Variants in MORF4L1 observed in about 807,000 individuals in gnomAD.
The protein encoded by MORF4L1 is mortality factor 4 like 1.
In MORF4L1, 4 loss-of-function variants were observed where a neutral mutation model predicts 52.9. The ratio of observed to expected loss-of-function variants is 0.08; its 90% CI spans 0.04 to 0.17. MORF4L1 has a LOEUF of 0.17. Among genes scored for constraint, MORF4L1 ranks in the 10% least tolerant of loss-of-function variants. The pLI is 1.00. For missense variants in MORF4L1, 214 were observed against 390.4 expected, an observed-to-expected ratio of 0.55 and a Z score of 3.81; for synonymous variants, 123 against 134.8, an observed-to-expected ratio of 0.91 and a Z score of 0.61.
At chr15:78,894,378 G>T in intron 10 of MORF4L1, 148 bp downstream of exon 10, 1 of 575,978 alleles carries the variant, frequency 1.7e-6, no homozygotes, top group East Asian at 3.3e-5. Flanking sequence ...AATCTCTTTA[G>T]GAGCAAGAGT....
Position 78,887,046 on chromosome 15 carries a change from A to T in MORF4L1, c.243-223A>T, listed in dbSNP as rs576890051. 2.6e-5 allele frequency among the ~76,000 whole-genome samples: 4 copies of T among 152,088 alleles called. No individual in the cohort carries two copies. The East Asian group carries it at 5.8e-4, about 22-fold the overall frequency. ...CAAAACAAATGGAATTTTCAATGCT[A>T]TGAGAACAGTCTATTACAGTCACTT... On this transcript the variant is annotated intron_variant, in intron 4 of 11. Transcript: ENST00000426013.
chr15:78,890,414 A>G (rs1163542311), intron 5 of MORF4L1, among the ~76,000 whole-genome samples: 1 of 151,968 alleles, frequency 6.6e-6, no homozygotes, highest in African/African-American at 2.4e-5. Flanking sequence ...ATAATGTAGT[A>G]TATACTATAA....
At chr15:78,876,440 A>G in intron 1 of MORF4L1, 1 of 406,332 alleles carries the variant, frequency 2.5e-6, no homozygotes, top group South Asian at 1.7e-5. Context: ...TTTGAGACGG[A>G]GCATTTGCTG....
chr15:78,881,857 T>A (rs2056608967), intron 3 of MORF4L1, among the ~76,000 whole-genome samples: 2 of 152,224 alleles, frequency 1.3e-5, no homozygotes, highest in Admixed American at 1.3e-4. Flanking sequence ...CCTGGTTTAC[T>A]ATGGGATCAG....
chr15:78,873,306 C>T lies in MORF4L1; in HGVS notation c.40+249C>T, dbSNP rs2056405375. The T allele has an allele frequency of 7.3e-6, 9 of 1,235,342 alleles. No homozygotes were observed. The South Asian group carries it at 9.6e-5, about 13-fold the overall frequency. The allele number at this position is 1,235,342 out of a possible 1,614,324, so 76.5% of individuals were successfully genotyped here. On this transcript the variant is annotated intron_variant, in intron 1 of 11. Coordinates refer to ENST00000426013, the MANE Select transcript of MORF4L1 (RefSeq NM_006791.4). ...AGAGAGCGTTTGGCGCGTGGCACAC[C>T]CTCGTCAAGTGTTTGTTATTGTTCT...
chr15:78,873,268 G>A (rs76770078), intron 1 of MORF4L1: 78,103 of 1,466,898 alleles, frequency 0.053, 2,295 homozygotes, highest in Middle Eastern at 0.097. Context: ...CTGCGCAGGC[G>A]TTAGAGTGGG....
At chr15:78,884,926 C>T in intron 3 of MORF4L1, 1 of 1,435,246 alleles carries the variant, frequency 7.0e-7, no homozygotes, top group East Asian at 2.4e-5. Context: ...AATTCTGCAC[C>T]TGGTCACTGA....
intron 1 of MORF4L1, chr15:78,873,997 A>G (rs1426869042): frequency 1.3e-5 from 2 of 152,224 alleles, no homozygotes; most frequent in Admixed American, 6.5e-5. Flanking sequence ...CAATGACTTG[A>G]AAGTTGAATT....
chr15:78,879,303 C>T (rs565308119), intron 2 of MORF4L1, among the ~76,000 whole-genome samples: 64 of 152,058 alleles, frequency 4.2e-4, no homozygotes, highest in African/African-American at 1.4e-3. Flanking sequence ...CTCACTGTGA[C>T]GTCCCCCTCC....
In MORF4L1 at chr15:78,873,190, G is replaced by A. The variant is rs2056401973; in HGVS notation, c.40+133G>A. On this transcript the variant is annotated intron_variant, in intron 1 of 11. Transcript: ENST00000426013. The stretch of plus-strand genomic sequence containing the variant: ...AAGGCGGCGGTCAGTGCTTTGTGCG[G>A]GGAAAGCGCATTGCGGATGGCAATT... 2.6e-6 allele frequency: 4 copies of A among 1,519,792 alleles called. No individual in the cohort carries two copies. The South Asian group carries it at 3.8e-5, about 14-fold the overall frequency. 94.1% of individuals were successfully genotyped at this position (1,519,792 alleles called of 1,614,324 possible). A position where few individuals can be genotyped will look rare whatever the true frequency, so the allele number is the denominator to read the frequency against.
rs56795204 is a variant in MORF4L1 at position 78,895,578 on chromosome 15, A to G, written c.887+674A>G. Among the ~76,000 whole-genome samples the G allele has an allele frequency of 4.0e-3, 602 of 152,348 alleles. 4 individuals carry two copies. The highest frequency in any genetic ancestry group is 0.014 in the African/African-American group (579 of 41,578). ...CTTATTAAAAGGGTGAGGTCACTCT[A>G]AACATACTGATAAAGATGTCCATGT... On this transcript the variant is annotated intron_variant, in intron 11 of 11. Coordinates refer to ENST00000426013, the MANE Select transcript of MORF4L1 (RefSeq NM_006791.4).
chr15:78,884,997 A>G, intron 3 of MORF4L1: 1 of 1,614,022 alleles, frequency 6.2e-7, no homozygotes, highest in Non-Finnish European at 8.5e-7. Flanking sequence ...GCTCTGAAAA[A>G]TCTTTGAAGA....
chr15:78,881,502 TG>T (rs2056603648), intron 3 of MORF4L1, among the ~76,000 whole-genome samples: 3 of 104,284 alleles, frequency 2.9e-5, no homozygotes, highest in Middle Eastern at 4.4e-3. Flanking sequence ...CCTTTTTGTG[TG>T]TGTGTGTGTG....
At chr15:78,873,089 A>C (rs2056398375) in intron 1 of MORF4L1, 32 bp downstream of exon 1, 1 of 1,549,510 alleles carries the variant, frequency 6.5e-7, no homozygotes. Flanking sequence ...AAAGGCACCT[A>C]ACGGCGCAGG....
At chr15:78,884,208 A>AAAACAC (rs1555439760) in intron 3 of MORF4L1, among the ~76,000 whole-genome samples, 1 of 146,596 alleles carries the variant, frequency 6.8e-6, no homozygotes, top group Non-Finnish European at 1.5e-5. Context: ...CATCTCAAAA[A>AAAACAC]AAAAAACAAA....
At chr15:78,885,514 G>T (rs1362134260) in intron 3 of MORF4L1, among the ~76,000 whole-genome samples, 1 of 152,190 alleles carries the variant, frequency 6.6e-6, no homozygotes, top group African/African-American at 2.4e-5. Context: ...ACTGAATGAA[G>T]GTGGAGAATG....
intron 1 of MORF4L1, among the ~76,000 whole-genome samples, chr15:78,876,321 T>C (rs2056490421): frequency 1.3e-5 from 2 of 152,136 alleles, no homozygotes; most frequent in Non-Finnish European, 2.9e-5. Flanking sequence ...TTTTATTTGA[T>C]AATGGCGTGC....
chr15:78,873,566 A>G lies in MORF4L1; in HGVS notation c.40+509A>G, dbSNP rs571702622. On this transcript the variant is annotated intron_variant, in intron 1 of 11. Coordinates refer to ENST00000426013, the MANE Select transcript of MORF4L1 (RefSeq NM_006791.4). Reference sequence around the variant, plus strand: ...TGCGGATGGGGGTGGGTTTGGCGCCACGGGGCGGGAGAAGTGCGTTGTAAA... The same window carrying G: ...TGCGGATGGGGGTGGGTTTGGCGCCGCGGGGCGGGAGAAGTGCGTTGTAAA... 6.4e-4 allele frequency among the ~76,000 whole-genome samples: 98 copies of G among 152,196 alleles called. 1 individual carries two copies. Among genetic ancestry groups the G allele is most frequent in the East Asian group, 1.5e-3 (8 of 5,162 alleles).
In MORF4L1 at chr15:78,897,547, A is replaced by C. The variant is rs548392198; in HGVS notation, c.*480A>C. ...TCCTTTGCAAGTCATCCATGTTGTTACTTAGGCATTTTATCTTGGCTCAAA... is the reference window on the plus strand; with the variant it reads ...TCCTTTGCAAGTCATCCATGTTGTTCCTTAGGCATTTTATCTTGGCTCAAA... On this transcript the variant is annotated 3_prime_UTR_variant, in exon 12 of 12. Coordinates refer to ENST00000426013, the MANE Select transcript of MORF4L1 (RefSeq NM_006791.4). The C allele has an allele frequency of 2.0e-5, 3 of 153,078 alleles. No individual in the cohort carries two copies. The highest frequency in any genetic ancestry group is 7.2e-5 in the African/African-American group (3 of 41,476). 9.5% of individuals were successfully genotyped at this position (153,078 alleles called of 1,614,324 possible). A position where few individuals can be genotyped will look rare whatever the true frequency, so the allele number is the denominator to read the frequency against.
Sources: allele counts gnomAD v4.1 joint callset (sites outside exome capture counted in the v4.1 genomes callset), GRCh38; gene constraint gnomAD v4.1.1; transcripts MANE v1.5; gene names NCBI Gene and HGNC (gene_info 2026-07-23, HGNC 2026-07-21).